LINGO2: variants seen among roughly 807,000 people sequenced by gnomAD.
LINGO2 encodes leucine rich repeat and Ig domain containing 2.
Under a neutral mutation model 30.6 loss-of-function variants are expected in LINGO2, and 14 were observed. The observed-to-expected ratio is 0.46, with a 90% CI of 0.30 to 0.72. The LOEUF is 0.72. Among genes scored for constraint, LINGO2 ranks in the 30% least tolerant of loss-of-function variants. The pLI is 0.07. For synonymous variants in LINGO2, 317 were observed against 288.5 expected (o/e 1.10, Z -1.00); for missense variants, 729 against 751.7 (o/e 0.97, Z 0.35).
the LINGO2 span, among the ~76,000 whole-genome samples, chr9:29,055,193 T>G: frequency 7.0e-6 from 1 of 142,056 alleles, no homozygotes; most frequent in Non-Finnish European, 1.5e-5. Flanking sequence ...CACTCCAGCC[T>G]GGGCAACAGA....
At chr9:28,338,234 C>A (rs915125871) in intron 3 of LINGO2, among the ~76,000 whole-genome samples, 6 of 152,206 alleles carry the variant, frequency 3.9e-5, no homozygotes, top group African/African-American at 1.4e-4. Flanking sequence ...GACTGTCCTG[C>A]TGGATTTCAG....
chr9:28,636,744 G>A lies in LINGO2; in HGVS notation c.-365+33456C>T, dbSNP rs371836062. Among the ~76,000 whole-genome samples the A allele has an allele frequency of 1.4e-4, 21 of 152,068 alleles. No individual in the cohort carries two copies. The East Asian group carries it at 2.5e-3, about 18-fold the overall frequency. ...TAGTGCTTTGTCAGATGAGTAGATT[G>A]CGAAAATTTTCTCCCATTCTGTAGG... On this transcript the variant is annotated intron_variant, in intron 1 of 5. Transcript: ENST00000379992.
At chr9:29,196,937 T>C in the LINGO2 span, among the ~76,000 whole-genome samples, 3 of 152,066 alleles carry the variant, frequency 2.0e-5, no homozygotes, top group East Asian at 1.9e-4. Context: ...TTCTTCTCAC[T>C]ACCAAGATAT....
the LINGO2 span, among the ~76,000 whole-genome samples, chr9:28,678,442 G>A: frequency 2.0e-5 from 3 of 151,998 alleles, no homozygotes; most frequent in African/African-American, 7.2e-5. Context: ...ATTCTGTTTG[G>A]CTTCCTGAAG....
At chr9:28,875,445 T>C in the LINGO2 span, among the ~76,000 whole-genome samples, 4 of 152,088 alleles carry the variant, frequency 2.6e-5, no homozygotes, top group African/African-American at 9.7e-5. Flanking sequence ...CTTTCACCTA[T>C]ATGTTTACAA....
chr9:28,795,033 A>G, the LINGO2 span, among the ~76,000 whole-genome samples: 2 of 151,954 alleles, frequency 1.3e-5, no homozygotes, highest in Admixed American at 1.3e-4. Flanking sequence ...GTTGCACCAT[A>G]TTGGCCAGGC....
chr9:29,047,290 T>C, the LINGO2 span, among the ~76,000 whole-genome samples: 1 of 151,766 alleles, frequency 6.6e-6, no homozygotes, highest in Non-Finnish European at 1.5e-5. Context: ...CAGCAAACAA[T>C]CATATGAAAA....
At chr9:29,121,331 A>G in the LINGO2 span, among the ~76,000 whole-genome samples, 70 of 152,278 alleles carry the variant, frequency 4.6e-4, no homozygotes, top group Middle Eastern at 6.8e-3. Flanking sequence ...CAGAAGAAAT[A>G]TACATATCCC....
At chr9:28,357,319 A>ACCCCCCC (rs1554710540) in intron 3 of LINGO2, among the ~76,000 whole-genome samples, 1 of 74,792 alleles carries the variant, frequency 1.3e-5, no homozygotes, top group Non-Finnish European at 3.1e-5. Context: ...AATAAAGCCC[A>ACCCCCCC]CCCCCCCCAA....
At chr9:28,658,052 T>C (rs1179167306) in intron 1 of LINGO2, among the ~76,000 whole-genome samples, 2 of 152,080 alleles carry the variant, frequency 1.3e-5, no homozygotes, top group South Asian at 2.1e-4. Context: ...ATTTTTGTGA[T>C]TTCCTGTTTT....
At chr9:28,959,330 T>A in the LINGO2 span, among the ~76,000 whole-genome samples, 1 of 151,958 alleles carries the variant, frequency 6.6e-6, no homozygotes, top group African/African-American at 2.4e-5. Flanking sequence ...AAAGTAGATA[T>A]AATAATTGGG....
chr9:28,328,726 T>C (rs12343502), intron 3 of LINGO2, among the ~76,000 whole-genome samples: 6,373 of 152,258 alleles, frequency 0.042, 227 homozygotes, highest in African/African-American at 0.1. Context: ...TAATGCAATG[T>C]ACATAAAAAT....
chr9:28,939,615 T>G, the LINGO2 span, among the ~76,000 whole-genome samples: 3 of 152,218 alleles, frequency 2.0e-5, no homozygotes, highest in Non-Finnish European at 4.4e-5. Context: ...TTCATAGAAC[T>G]GTAACTATAA....
chr9:28,776,286 C>A, the LINGO2 span, among the ~76,000 whole-genome samples: 4 of 152,006 alleles, frequency 2.6e-5, no homozygotes, highest in African/African-American at 9.7e-5. Context: ...CTCTCTTTTT[C>A]TTTCTGCCTT....
chr9:29,072,043 A>C, the LINGO2 span, among the ~76,000 whole-genome samples: 1 of 152,126 alleles, frequency 6.6e-6, no homozygotes, highest in Non-Finnish European at 1.5e-5. Flanking sequence ...TGGATTCTGA[A>C]GCCATAGTGT....
chr9:28,876,592 A>G, the LINGO2 span, among the ~76,000 whole-genome samples: 1 of 152,086 alleles, frequency 6.6e-6, no homozygotes, highest in African/African-American at 2.4e-5. Context: ...ATCATTTTTT[A>G]TGGCTGCATA....
At chr9:28,080,934 G>C (rs927881355) in intron 4 of LINGO2, 6 of 152,340 alleles carry the variant, frequency 3.9e-5, no homozygotes, top group African/African-American at 1.4e-4. Context: ...TTAGTCGTTG[G>C]ATGACAGCAA....
intron 4 of LINGO2, among the ~76,000 whole-genome samples, chr9:28,277,573 G>A (rs920416920): frequency 1.3e-5 from 2 of 152,102 alleles, no homozygotes; most frequent in Non-Finnish European, 2.9e-5. Context: ...GGAGGCTGAG[G>A]TGGGCAGGTC....
intron 4 of LINGO2, among the ~76,000 whole-genome samples, chr9:28,151,331 T>C (rs929658601): frequency 1.3e-5 from 2 of 151,978 alleles, no homozygotes; most frequent in African/African-American, 4.8e-5. Flanking sequence ...TCCAACATTC[T>C]TTCCTAATAA....
Sources: allele counts gnomAD v4.1 joint callset (sites outside exome capture counted in the v4.1 genomes callset), GRCh38; gene constraint gnomAD v4.1.1; transcripts MANE v1.5; gene names NCBI Gene and HGNC (gene_info 2026-07-23, HGNC 2026-07-21).